Variants in MBD4 observed in about 807,000 individuals in gnomAD.
MBD4 encodes methyl-CpG binding domain 4, DNA glycosylase.
In MBD4, 53 loss-of-function variants were observed where a neutral mutation model predicts 60.2. The ratio of observed to expected loss-of-function variants is 0.88; its 90% CI spans 0.71 to 1.11. The LOEUF (loss-of-function observed/expected upper bound fraction) is 1.11, where lower values mean the gene tolerates loss of function less well. Among genes scored for constraint, MBD4 ranks in the 50% least tolerant of loss-of-function variants. MBD4 has a pLI of 0.00. For missense variants in MBD4, 619 were observed against 674.0 expected, an observed-to-expected ratio of 0.92 and a Z score of 0.90; for synonymous variants, 231 against 229.8, an observed-to-expected ratio of 1.01 and a Z score of -0.05.
At chr3:129,432,391 T>C in intron 7 of MBD4, 112 bp downstream of exon 7, 10 of 1,595,608 alleles carry the variant, frequency 6.3e-6, no homozygotes, top group African/African-American at 1.3e-5. Context: ...GGAACACAAT[T>C]GTTTGTGACT....
In MBD4 at chr3:129,433,936, C is replaced by A. The variant is rs200995882; in HGVS notation, c.1307G>T (p.Arg436Leu). The A allele has an allele frequency of 1.2e-6, 2 of 1,614,116 alleles. No homozygotes were observed. The highest frequency in any genetic ancestry group is 2.2e-5 in the East Asian group (1 of 44,868). ...RKAFKKWTPPRSPFNLVQETL... is the reference protein window; with the variant it reads ...RKAFKKWTPPLSPFNLVQETL... The stretch of plus-strand genomic sequence containing the variant: ...TTCTTGAACGAGATTAAAAGGTGAC[C>A]GAGGAGGTGTCCATTTCTTAAAGGC... Residue 436 changes from arginine (R) to leucine (L), a missense_variant, in exon 5 of 8, where the codon CGG becomes CTG. By Grantham distance (102) the Arg-to-Leu change is moderately radical (BLOSUM62 -2). Transcript: ENST00000429544.
intron 3 of MBD4, among the ~76,000 whole-genome samples, chr3:129,435,395 T>C (rs1390075511): frequency 6.6e-6 from 1 of 152,154 alleles, no homozygotes; most frequent in Non-Finnish European, 1.5e-5. Flanking sequence ...GTACTAAGAG[T>C]ACTTCATCTC....
chr3:129,437,180 T>C lies in MBD4; in HGVS notation c.464A>G (p.Tyr155Cys), dbSNP rs1373817032. The C allele has an allele frequency of 6.2e-7, 1 of 1,614,122 alleles. No homozygotes were observed. The highest frequency in any genetic ancestry group is 8.5e-7 in the Non-Finnish European group (1 of 1,179,990). Residue 155 changes from tyrosine to cysteine, a missense_variant, in exon 3 of 8, where the codon TAT becomes TGT. Tyr to Cys is a radical substitution (Grantham distance 194, BLOSUM62 -2). Coordinates refer to ENST00000429544, the MANE Select transcript of MBD4 (RefSeq NM_001276270.2). ...VLSKRGIKSR[Y>C]KDCSMAALTS... ...CAGGGCTGCCATGCTGCAGTCTTTA[T>C]ATCTTGACTTGATACCCCTTTTAGA...
At position 129,437,805 on chromosome 3, in the gene MBD4, T is replaced by C. The variant is rs756369683; in HGVS notation, c.250A>G (p.Lys84Glu). 1.9e-6 allele frequency: 3 copies of C among 1,614,152 alleles called. No individual in the cohort carries two copies. In the South Asian group the frequency reaches 3.3e-5, roughly 18 times the overall value. ...FGATAGTECR[K>E]SVPCGWERVV... ...CTTTCCCATCCACATGGGACAGACTTACGGCATTCTGTTCCTGCAGTAGCA... is the reference window on the plus strand; with the variant it reads ...CTTTCCCATCCACATGGGACAGACTCACGGCATTCTGTTCCTGCAGTAGCA... The change falls in exon 2 of 8, where the codon AAG becomes GAG. Residue 84 changes from lysine to glutamate, a missense_variant. Lys to Glu is a moderately conservative substitution (Grantham distance 56). Coordinates refer to ENST00000429544, the MANE Select transcript of MBD4 (RefSeq NM_001276270.2).
chr3:129,439,664 T>C, intron 1 of MBD4, 66 bp downstream of exon 1: 2 of 1,009,704 alleles, frequency 2.0e-6, no homozygotes, highest in Admixed American at 2.0e-5. Context: ...GCCCACACAC[T>C]GTCCACTCTC....
intron 1 of MBD4, among the ~76,000 whole-genome samples, chr3:129,438,398 C>T (rs1005170725): frequency 3.3e-5 from 5 of 152,124 alleles, no homozygotes; most frequent in African/African-American, 1.2e-4. Context: ...GTGTGTATCA[C>T]TTTCATCAGA....
chr3:129,437,159 G>T lies in MBD4; in HGVS notation c.485C>A (p.Ala162Asp). ...KSRYKDCSMA[A>D]LTSHLQNQSN... ...TTGGTTTTGTAGATGGGATGTCAGG[G>T]CTGCCATGCTGCAGTCTTTATATCT... The change falls in exon 3 of 8, where the codon GCC becomes GAC. Residue 162 changes from alanine to aspartate, a missense_variant. Ala to Asp is a moderately radical substitution (Grantham distance 126). Coordinates refer to ENST00000429544, the MANE Select transcript of MBD4 (RefSeq NM_001276270.2). The T allele has an allele frequency of 6.2e-7, 1 of 1,614,060 alleles. No homozygotes were observed.
chr3:129,439,725 C>T lies in MBD4; in HGVS notation c.104+5G>A, dbSNP rs762980889. The T allele has an allele frequency of 1.3e-6, 2 of 1,561,456 alleles. No homozygotes were observed. The highest frequency in any genetic ancestry group is 8.7e-7 in the Non-Finnish European group (1 of 1,146,348). On this transcript the variant is annotated splice_donor_5th_base_variant and intron_variant, in intron 1 of 7. Transcript: ENST00000429544. The stretch of plus-strand genomic sequence containing the variant: ...ACTGAGGCCCAAAAGGGGACAGTAA[C>T]TTACCGGAGGTCATTCGGCGGGTCT...
chr3:129,434,018 C>T, intron 4 of MBD4, 34 bp from the exon 5 acceptor site: 1 of 1,614,106 alleles, frequency 6.2e-7, no homozygotes, highest in South Asian at 1.1e-5. Flanking sequence ...ATTGAAAACC[C>T]AAAATGGAAT....
At chr3:129,431,778 A>T (rs1226445245) in intron 7 of MBD4, among the ~76,000 whole-genome samples, 200 bp from the exon 8 acceptor site, 2 of 152,206 alleles carry the variant, frequency 1.3e-5, no homozygotes, top group Non-Finnish European at 2.9e-5. Context: ...CACAATTTAC[A>T]AGGTACTGTC....
chr3:129,432,003 C>T (rs1473209619), intron 7 of MBD4, among the ~76,000 whole-genome samples: 2 of 152,198 alleles, frequency 1.3e-5, no homozygotes, highest in African/African-American at 4.8e-5. Flanking sequence ...GAGTCTCAAG[C>T]TGAGTGGGCA....
At chr3:129,437,388 CT>C in intron 2 of MBD4, 80 bp from the exon 3 acceptor site, 1 of 1,169,924 alleles carries the variant, frequency 8.5e-7, no homozygotes, top group Non-Finnish European at 1.2e-6. Context: ...TTTCAGATTT[CT>C]AATTAATTTC....
chr3:129,432,286 C>T lies in MBD4; in HGVS notation c.1647+217G>A, dbSNP rs189877267. ...AGGTGACAAACCACTGGAGATGAGT[C>T]AGAGGCCACGCCGCTGGACTGGTCT... is the stretch of plus-strand genomic sequence containing the variant. On this transcript the variant is annotated intron_variant, in intron 7 of 7. Transcript: ENST00000429544. 241 of 1,472,550 alleles carry T rather than the reference C, an allele frequency of 1.6e-4. 1 individual carries two copies. In the African/African-American group the frequency reaches 2.9e-3, roughly 18 times the overall value. The allele number at this position is 1,472,550 out of a possible 1,614,324, so 91.2% of individuals were successfully genotyped here.
intron 1 of MBD4, among the ~76,000 whole-genome samples, chr3:129,439,493 A>G (rs2072656334): frequency 6.6e-6 from 1 of 152,114 alleles, no homozygotes; most frequent in East Asian, 1.9e-4. Context: ...CTCTTTCACA[A>G]AACCTCCCGG....
At position 129,439,917 on chromosome 3, in the gene MBD4, T is replaced by C; in HGVS notation, c.-84A>G. On this transcript the variant is annotated 5_prime_UTR_variant, in exon 1 of 8. Transcript: ENST00000429544. ...GAGTAAGATGTGAAACCTCTTCAGC[T>C]CACGGCACCGGGCTGCAACCGAGGT... The C allele has an allele frequency of 2.0e-6, 2 of 982,610 alleles. No individual in the cohort carries two copies. The highest frequency in any genetic ancestry group is 3.2e-6 in the Non-Finnish European group (2 of 625,500). The allele number at this position is 982,610 out of a possible 1,614,324, so 60.9% of individuals were successfully genotyped here.
At position 129,436,488 on chromosome 3, in the gene MBD4, A is replaced by G. The variant is rs1273790811; in HGVS notation, c.1156T>C (p.Cys386Arg). The G allele has an allele frequency of 6.2e-7, 1 of 1,614,008 alleles. No homozygotes were observed. The highest frequency in any genetic ancestry group is 1.1e-5 in the South Asian group (1 of 91,084). ...GTGAAGTCTTTCCTGGTTGGTGAGC[A>G]GTTGTTGTCCATTTCAGAGCCACGT... The part of the protein sequence containing the change: ...LKRGSEMDNN[C>R]SPTRKDFTED... Residue 386 changes from cysteine (C) to arginine (R), a missense_variant, in exon 3 of 8, where the codon TGC becomes CGC. Physicochemically the swap from Cys to Arg is radical, Grantham distance 180 (BLOSUM62 -3). Coordinates refer to ENST00000429544, the MANE Select transcript of MBD4 (RefSeq NM_001276270.2).
Position 129,433,171 on chromosome 3 carries a change from C to T in MBD4, c.1470G>A (p.Trp490Ter). ...GTTTAAGAAGTTCTGACACATCTCT[C>T]CAGTCTGCGGTTCTTGCTACCTCAG... ...PSAEVARTADWRDVSELLKPL... is the reference protein window; with the variant it reads ...PSAEVARTAD The change falls in exon 6 of 8, where the codon TGG (tryptophan) becomes TGA (stop). Residue 490 changes from tryptophan (W) to a stop codon, truncating the protein, a stop_gained. Coordinates refer to ENST00000429544, the MANE Select transcript of MBD4 (RefSeq NM_001276270.2). LOFTEE classifies it high-confidence loss of function. The T allele has an allele frequency of 6.2e-7, 1 of 1,614,172 alleles. No homozygotes were observed. Among genetic ancestry groups the T allele is most frequent in the South Asian group, 1.1e-5 (1 of 91,078 alleles).
At position 129,439,781 on chromosome 3, in the gene MBD4, G is replaced by A; in HGVS notation, c.53C>T (p.Pro18Leu). ...TAGGCGCTCACTAGAGGTGACGGTG[G>A]GGGCAGCTCCGCGGTCCCCCAGACT... Reference protein sequence around the residue: ...SLSLGDRGAAPTVTSSERLVP... With the variant: ...SLSLGDRGAALTVTSSERLVP... The change falls in exon 1 of 8, where the codon CCC becomes CTC. Residue 18 changes from proline (P) to leucine (L), a missense_variant. Pro to Leu is a moderately conservative substitution (Grantham distance 98). Coordinates refer to ENST00000429544, the MANE Select transcript of MBD4 (RefSeq NM_001276270.2). 6.2e-7 allele frequency: 1 copy of A among 1,609,302 alleles called. No homozygotes were observed. The highest frequency in any genetic ancestry group is 1.7e-4 in the Middle Eastern group (1 of 6,048).
Position 129,432,566 on chromosome 3 carries a change from A to C in MBD4, c.1584T>G (p.Leu528=). The change falls in exon 7 of 8, where the codon CTT becomes CTG. Residue 528 remains leucine, a synonymous_variant. Transcript: ENST00000429544. ...CGTTGCCATATTTACCAATCCCATGAAGCTCAATTGGATACTTCCACTGCT... is the reference window on the plus strand; with the variant it reads ...CGTTGCCATATTTACCAATCCCATGCAGCTCAATTGGATACTTCCACTGCT... The part of the protein sequence containing the change: ...LTKQWKYPIE[L]HGIGKYGNDS... The C allele has an allele frequency of 6.2e-7, 1 of 1,614,208 alleles. No individual in the cohort carries two copies. The highest frequency in any genetic ancestry group is 8.5e-7 in the Non-Finnish European group (1 of 1,180,020).
Sources: gnomAD v4.1 joint callset for allele counts (sites outside exome capture counted in the v4.1 genomes callset) on GRCh38, gnomAD v4.1.1 for gene constraint, MANE v1.5 for transcripts, NCBI Gene and HGNC (gene_info 2026-07-23, HGNC 2026-07-21) for gene names.